The following THSD7B variants were observed in gnomAD, a reference collection of about 807,000 sequenced individuals.
THSD7B encodes thrombospondin type 1 domain containing 7B.
A neutral mutation model predicts 213.6 loss-of-function variants in THSD7B; 138 were observed. The ratio of observed to expected loss-of-function variants is 0.65; its 90% CI spans 0.56 to 0.74. The LOEUF (loss-of-function observed/expected upper bound fraction) is 0.74, where lower values mean the gene tolerates loss of function less well. Among genes scored for constraint, THSD7B ranks in the 30% least tolerant of loss-of-function variants. THSD7B has a pLI of 0.00. For missense variants in THSD7B, 1,931 were observed against 1,991.5 expected, an observed-to-expected ratio of 0.97 and a Z score of 0.58; for synonymous variants, 742 against 687.0, an observed-to-expected ratio of 1.08 and a Z score of -1.25.
intron 12 of THSD7B, among the ~76,000 whole-genome samples, chr2:137,387,091 C>A (rs1685913141): frequency 6.6e-6 from 1 of 152,168 alleles, no homozygotes; most frequent in South Asian, 2.1e-4. Context: ...TCTCCCAAGG[C>A]TCACCCTGTG....
At chr2:136,955,037 T>G (rs1685102834) in intron 2 of THSD7B, among the ~76,000 whole-genome samples, 1 of 152,136 alleles carries the variant, frequency 6.6e-6, no homozygotes, top group Non-Finnish European at 1.5e-5. Context: ...AAGTCGACGT[T>G]TGGGTTGACT....
chr2:137,265,682 C>T (rs1014025792), intron 10 of THSD7B, among the ~76,000 whole-genome samples: 1 of 152,164 alleles, frequency 6.6e-6, no homozygotes, highest in Non-Finnish European at 1.5e-5. Flanking sequence ...GTCCGTCTAC[C>T]TTTTCCACAC....
rs752615775 is a variant in THSD7B at position 137,056,752 on chromosome 2, A to G, written c.472A>G (p.Ile158Val). Reference protein sequence around the residue: ...KLNRTVVANEICEHFALQPPT... With the variant: ...KLNRTVVANEVCEHFALQPPT... ...GAACCGAACTGTGGTTGCAAATGAA[A>G]TATGCGAACACTTTGCCCTTCAGCC... The change falls in exon 3 of 28, where the codon ATA becomes GTA. Residue 158 changes from isoleucine (I) to valine (V), a missense_variant. Ile to Val is a conservative substitution (Grantham distance 29). Transcript: ENST00000409968. 1.2e-6 allele frequency: 2 copies of G among 1,613,986 alleles called. No individual in the cohort carries two copies. The highest frequency in any genetic ancestry group is 3.3e-5 in the Admixed American group (2 of 60,020).
chr2:137,328,080 GCTT>G (rs1187239336), intron 12 of THSD7B, among the ~76,000 whole-genome samples: 1 of 152,150 alleles, frequency 6.6e-6, no homozygotes, highest in Non-Finnish European at 1.5e-5. Flanking sequence ...ATTTTTCACT[GCTT>G]CTCCTTTACA....
At chr2:137,668,042 AC>A (rs1683485605) in intron 27 of THSD7B, among the ~76,000 whole-genome samples, 181 bp downstream of exon 27, 1 of 152,170 alleles carries the variant, frequency 6.6e-6, no homozygotes, top group African/African-American at 2.4e-5. Context: ...ATTTGAGATA[AC>A]ATTTTTTAAA....
chr2:137,479,037 C>T (rs551216999), intron 15 of THSD7B, among the ~76,000 whole-genome samples: 2 of 152,266 alleles, frequency 1.3e-5, no homozygotes, highest in Admixed American at 6.5e-5. Context: ...TGGGCGTCCA[C>T]ATAACTTGCT....
chr2:136,994,498 C>T (rs1243923839), intron 2 of THSD7B, among the ~76,000 whole-genome samples: 7 of 152,096 alleles, frequency 4.6e-5, no homozygotes, highest in South Asian at 4.2e-4. Context: ...ACCCGGGAGG[C>T]GGAGCTTGCA....
intron 19 of THSD7B, among the ~76,000 whole-genome samples, chr2:137,619,676 A>T (rs1328280442): frequency 6.6e-6 from 1 of 152,226 alleles, no homozygotes. Flanking sequence ...AAAGATATAA[A>T]CTATTCATTA....
intron 15 of THSD7B, among the ~76,000 whole-genome samples, chr2:137,519,256 A>AAATAAATAAATG: frequency 6.6e-6 from 1 of 151,994 alleles, no homozygotes; most frequent in South Asian, 2.1e-4. Context: ...ATCTCAAAAT[A>AAATAAATAAATG]AATAAATAAA....
chr2:136,933,133 T>TTCCTTCCG (rs1684661366), intron 2 of THSD7B, among the ~76,000 whole-genome samples: 1 of 57,564 alleles, frequency 1.7e-5, no homozygotes, highest in East Asian at 2.3e-4. Context: ...CCTTCCTTCC[T>TTCCTTCCG]TCCTTCCTTC....
chr2:136,787,233 T>C (rs938522571), intron 1 of THSD7B, among the ~76,000 whole-genome samples: 5 of 149,406 alleles, frequency 3.3e-5, no homozygotes, highest in Non-Finnish European at 7.4e-5. Flanking sequence ...AGTTGGATGA[T>C]TCTTTTTTTT....
In THSD7B at chr2:137,248,640, C is replaced by T. The variant is rs536849315; in HGVS notation, c.2266+6068C>T. Among the ~76,000 whole-genome samples, 392 of 152,178 alleles carry T rather than the reference C, an allele frequency of 2.6e-3. 1 individual carries two copies. Among genetic ancestry groups the T allele is most frequent in the Middle Eastern group, 6.8e-3 (2 of 294 alleles). On this transcript the variant is annotated intron_variant, in intron 10 of 27. Coordinates refer to ENST00000409968, the MANE Select transcript of THSD7B (RefSeq NM_001316349.2). ...AAGCACTAACTTGCCTCTTTACTTTCCCCTGTCAAGCATATGTGGCCCCCT... is the reference window on the plus strand; with the variant it reads ...AAGCACTAACTTGCCTCTTTACTTTTCCCTGTCAAGCATATGTGGCCCCCT...
chr2:137,113,113 A>T (rs1688379786), intron 4 of THSD7B, among the ~76,000 whole-genome samples: 1 of 152,138 alleles, frequency 6.6e-6, no homozygotes. Context: ...CAGGCCAGAA[A>T]GTTCTTCTTT....
chr2:136,792,710 C>T (rs1238362673), intron 1 of THSD7B, among the ~76,000 whole-genome samples: 2 of 151,986 alleles, frequency 1.3e-5, no homozygotes, highest in African/African-American at 4.8e-5. Flanking sequence ...GGATTATTTT[C>T]CCCATTAATC....
intron 2 of THSD7B, among the ~76,000 whole-genome samples, chr2:137,041,095 C>G (rs1286061654): frequency 5.3e-5 from 8 of 152,178 alleles, no homozygotes; most frequent in Non-Finnish European, 1.5e-5. Flanking sequence ...CAGGGTACAG[C>G]TCACTCTAAA....
At chr2:137,191,089 G>A (rs931210748) in intron 7 of THSD7B, among the ~76,000 whole-genome samples, 1 of 152,208 alleles carries the variant, frequency 6.6e-6, no homozygotes, top group Admixed American at 6.5e-5. Context: ...CTCTCATGAA[G>A]GGCCTCTGGC....
intron 12 of THSD7B, among the ~76,000 whole-genome samples, chr2:137,373,754 T>C (rs1176509588): frequency 3.9e-5 from 6 of 152,222 alleles, no homozygotes; most frequent in South Asian, 2.1e-4. Flanking sequence ...TTTGGTGTTT[T>C]AGACATGAAG....
intron 15 of THSD7B, among the ~76,000 whole-genome samples, chr2:137,559,221 G>A (rs990304964): frequency 1.3e-5 from 2 of 152,048 alleles, no homozygotes; most frequent in African/African-American, 4.8e-5. Flanking sequence ...CTACTTTAAA[G>A]TTCATATGGA....
At chr2:137,374,881 G>A (rs1685617567) in intron 12 of THSD7B, among the ~76,000 whole-genome samples, 1 of 152,154 alleles carries the variant, frequency 6.6e-6, no homozygotes, top group East Asian at 1.9e-4. Context: ...TAGCGAGTGG[G>A]TCATGCAGCT....
Sources: allele counts gnomAD v4.1 joint callset (sites outside exome capture counted in the v4.1 genomes callset), GRCh38; gene constraint gnomAD v4.1.1; transcripts MANE v1.5; gene names NCBI Gene and HGNC (gene_info 2026-07-23, HGNC 2026-07-21).